PCA3: variants seen among roughly 807,000 people sequenced by gnomAD.
The protein encoded by PCA3 is Differential Display code 3.
At chr9:76,784,923 T>C (rs1277227343) in intron 2 of PCA3, 1 of 152,256 alleles carries the variant, frequency 6.6e-6, no homozygotes, top group Non-Finnish European at 1.5e-5. Context: ...AACTTTTTTT[T>C]TTAACCTGGA....
At chr9:76,771,315 T>A (rs1028645673) in intron 2 of PCA3, among the ~76,000 whole-genome samples, 4 of 152,196 alleles carry the variant, frequency 2.6e-5, no homozygotes, top group African/African-American at 9.6e-5. Flanking sequence ...TTAATGCTGA[T>A]ACAATAACAA....
chr9:76,776,606 C>G (rs1167211028), intron 2 of PCA3, among the ~76,000 whole-genome samples: 1 of 150,014 alleles, frequency 6.7e-6, no homozygotes, highest in Admixed American at 6.7e-5. Flanking sequence ...CATCCGCCTC[C>G]CGAGTTCAAG....
chr9:76,770,041 T>G, intron 2 of PCA3, among the ~76,000 whole-genome samples: 1 of 152,338 alleles, frequency 6.6e-6, no homozygotes, highest in Middle Eastern at 3.4e-3. Context: ...CATAACCTAA[T>G]GCAGATATCC....
At chr9:76,773,352 T>C (rs917570301) in intron 2 of PCA3, among the ~76,000 whole-genome samples, 22 of 152,188 alleles carry the variant, frequency 1.4e-4, no homozygotes, top group Admixed American at 5.2e-4. Context: ...GGTTGATTTA[T>C]AGCGGACAAT....
intron 2 of PCA3, among the ~76,000 whole-genome samples, chr9:76,766,182 C>CAA (rs35059224): frequency 1.2e-3 from 136 of 112,288 alleles, no homozygotes; most frequent in Admixed American, 2.3e-3. Flanking sequence ...GACTCTGCCT[C>CAA]AAAAAAAAAA....
At chr9:76,777,408 C>G (rs1271422641) in intron 2 of PCA3, among the ~76,000 whole-genome samples, 3 of 152,180 alleles carry the variant, frequency 2.0e-5, no homozygotes, top group Non-Finnish European at 4.4e-5. Flanking sequence ...CCACCATGCT[C>G]TGTAAAATGC....
chr9:76,776,893 T>TACACACAC lies in PCA3; in HGVS notation n.853-31644_853-31637dup, dbSNP rs541232508. Among the ~76,000 whole-genome samples, 325 of 115,662 alleles carry TACACACAC rather than the reference T, an allele frequency of 2.8e-3. 4 individuals carry two copies. The highest frequency in any genetic ancestry group is 6.0e-3 in the East Asian group (26 of 4,342). 75.9% of individuals were successfully genotyped at this position (115,662 alleles called of 152,430 possible). A position where few individuals can be genotyped will look rare whatever the true frequency, so the allele number is the denominator to read the frequency against. On this transcript the variant is annotated intron_variant and non_coding_transcript_variant, in intron 2 of 5. Coordinates refer to ENST00000644657, the Ensembl canonical transcript of PCA3. ...GTTTCTTTCTCATTACCAAAACACA[T>TACACACAC]ACACACACACACACACACACACACA...
chr9:76,771,392 T>C (rs1450317434), intron 2 of PCA3, among the ~76,000 whole-genome samples: 1 of 152,210 alleles, frequency 6.6e-6, no homozygotes, highest in Non-Finnish European at 1.5e-5. Context: ...TATTTCTTCA[T>C]GCACTTAATA....
chr9:76,781,721 T>C (rs1029335833), intron 2 of PCA3, among the ~76,000 whole-genome samples: 3 of 152,258 alleles, frequency 2.0e-5, no homozygotes, highest in East Asian at 1.9e-4. Flanking sequence ...ATAAGAATTA[T>C]GTGTATTTTA....
intron 2 of PCA3, among the ~76,000 whole-genome samples, chr9:76,774,450 C>CTTTTTTTATTTATTTATTTATT (rs1564272256): frequency 0.029 from 1,212 of 41,176 alleles, 33 homozygotes; most frequent in Non-Finnish European, 0.036. Flanking sequence ...CAGTTCAACC[C>CTTTTTTTATTTATTTATTTATT]TTTTTTTTTT....
chr9:76,765,189 G>A (rs1223549556), intron 2 of PCA3, among the ~76,000 whole-genome samples: 6 of 152,114 alleles, frequency 3.9e-5, no homozygotes, highest in Non-Finnish European at 8.8e-5. Flanking sequence ...ACCAAGCTGG[G>A]AATTCCAACA....
intron 2 of PCA3, among the ~76,000 whole-genome samples, chr9:76,770,211 A>G: frequency 6.6e-6 from 1 of 152,096 alleles, no homozygotes; most frequent in East Asian, 1.9e-4. Context: ...TTTGAAGATT[A>G]TTTTTACCCT....
In PCA3 at chr9:76,771,758, TTC is replaced by T. The variant is rs2053133848; in HGVS notation, n.852+35145_852+35146del. ...GCAGAGCCAAGAATCTGCTACTGCTTTCTGTTTTTATTTCCAATTATTTCCCA... is the reference window on the plus strand; with the variant it reads ...GCAGAGCCAAGAATCTGCTACTGCTTTGTTTTTATTTCCAATTATTTCCCA... On this transcript the variant is annotated intron_variant and non_coding_transcript_variant, in intron 2 of 5. Transcript: ENST00000644657. Among the ~76,000 whole-genome samples, 3 of 152,322 alleles carry T rather than the reference TTC, an allele frequency of 2.0e-5. No homozygotes were observed. In the South Asian group the frequency reaches 6.2e-4, roughly 32 times the overall value.
chr9:76,778,789 A>G (rs928763825), intron 2 of PCA3: 2 of 152,234 alleles, frequency 1.3e-5, no homozygotes, highest in African/African-American at 4.8e-5. Context: ...ATTTGGTGGA[A>G]CTGAGAAATG....
Position 76,772,574 on chromosome 9 carries a change from T to A in PCA3, n.852+35959T>A, listed in dbSNP as rs189149167. On this transcript the variant is annotated intron_variant and non_coding_transcript_variant, in intron 2 of 5. Coordinates refer to ENST00000644657, the Ensembl canonical transcript of PCA3. ...TGAACATGGTAAATTATTTTCTTTC[T>A]TTTTTTTAGAGACAGGGTCTTGCTT... Among the ~76,000 whole-genome samples the A allele has an allele frequency of 6.8e-4, 104 of 152,106 alleles. 1 individual carries two copies. The highest frequency in any genetic ancestry group is 5.9e-3 in the Admixed American group (90 of 15,272).
intron 2 of PCA3, among the ~76,000 whole-genome samples, chr9:76,764,789 A>G (rs1461690921): frequency 6.6e-6 from 1 of 152,138 alleles, no homozygotes; most frequent in African/African-American, 2.4e-5. Flanking sequence ...TTTTGGAGTG[A>G]ACAAGCTATT....
At chr9:76,775,087 TACTTGCTA>T (rs1427180621) in intron 2 of PCA3, among the ~76,000 whole-genome samples, 1 of 152,212 alleles carries the variant, frequency 6.6e-6, no homozygotes, top group Admixed American at 6.5e-5. Flanking sequence ...TTTGCCCTGT[TACTTGCTA>T]AGCTGAACCG....
chr9:76,776,823 T>TG (rs2053822304), intron 2 of PCA3, among the ~76,000 whole-genome samples: 1 of 151,258 alleles, frequency 6.6e-6, no homozygotes, highest in African/African-American at 2.4e-5. Flanking sequence ...GCCAGCAGTT[T>TG]TTTTTTTTTT....
chr9:76,780,737 TTTTG>T (rs1397707699), intron 2 of PCA3, among the ~76,000 whole-genome samples: 1 of 147,792 alleles, frequency 6.8e-6, no homozygotes, highest in Non-Finnish European at 1.5e-5. Flanking sequence ...AGCAAGAGGG[TTTTG>T]TTTTTGTTTT....
Sources: allele counts gnomAD v4.1 joint callset (sites outside exome capture counted in the v4.1 genomes callset), GRCh38; gene constraint gnomAD v4.1.1; transcripts MANE v1.5; gene names NCBI Gene and HGNC (gene_info 2026-07-23, HGNC 2026-07-21).